The following FSTL4 variants were observed in gnomAD, a reference collection of about 807,000 sequenced individuals.
FSTL4 encodes follistatin like 4, also known as follistatin-related protein 4.
In FSTL4, 28 loss-of-function variants were observed where a neutral mutation model predicts 78.2. That is an observed-to-expected ratio of 0.36 (90% confidence interval 0.27 to 0.49). The LOEUF is 0.49. Ranked by LOEUF, FSTL4 falls within the 20% of genes least tolerant of loss-of-function variation. The pLI is 0.98. For synonymous variants in FSTL4, 422 were observed against 440.5 expected, an observed-to-expected ratio of 0.96 and a Z score of 0.53; for missense variants, 922 against 1,084.9, an observed-to-expected ratio of 0.85 and a Z score of 2.11.
At chr5:133,344,016 T>C (rs1176177689) in intron 4 of FSTL4, among the ~76,000 whole-genome samples, 1 of 152,208 alleles carries the variant, frequency 6.6e-6, no homozygotes, top group Non-Finnish European at 1.5e-5. Context: ...TGAGAAAATA[T>C]ATTGAGCAAT....
chr5:133,253,825 C>A (rs1752320356), intron 6 of FSTL4, among the ~76,000 whole-genome samples: 1 of 152,204 alleles, frequency 6.6e-6, no homozygotes, highest in Non-Finnish European at 1.5e-5. Context: ...GAAGAGTCCC[C>A]AGTCTTGACC....
At chr5:133,542,698 A>C (rs1326059685) in intron 3 of FSTL4, among the ~76,000 whole-genome samples, 2 of 152,154 alleles carry the variant, frequency 1.3e-5, no homozygotes, top group Non-Finnish European at 2.9e-5. Context: ...TTTTTCAGGA[A>C]ATTTGACCAG....
chr5:133,612,924 G>A (rs1761135457), upstream of FSTL4, among the ~76,000 whole-genome samples: 1 of 152,214 alleles, frequency 6.6e-6, no homozygotes, highest in Admixed American at 6.5e-5. The surrounding 1 kb of genome is among the most constrained non-coding windows in gnomAD (Gnocchi z 6.2). Flanking sequence ...CACCACAGCA[G>A]GAGAGCTGTC....
the FSTL4 span, among the ~76,000 whole-genome samples, chr5:133,651,931 T>G: frequency 2.0e-5 from 3 of 152,148 alleles, no homozygotes; most frequent in Non-Finnish European, 4.4e-5. Context: ...CTGTTTTCTT[T>G]AATAGATATA....
At chr5:133,441,958 GT>G (rs1757167199) in intron 3 of FSTL4, among the ~76,000 whole-genome samples, 1 of 152,242 alleles carries the variant, frequency 6.6e-6, no homozygotes, top group Non-Finnish European at 1.5e-5. Flanking sequence ...CAACCAGTGA[GT>G]TGCTGGCATT....
In FSTL4 at chr5:133,221,903, T is replaced by TG. The variant is rs1561626727; in HGVS notation, c.1340-1038_1340-1037insC. Among the ~76,000 whole-genome samples, 30 of 106,432 alleles carry TG rather than the reference T, an allele frequency of 2.8e-4. 1 individual carries two copies. Among genetic ancestry groups the TG allele is most frequent in the East Asian group, 1.3e-3 (6 of 4,584 alleles). The allele number at this position is 106,432 out of a possible 152,430, so 69.8% of individuals were successfully genotyped here. A position where few individuals can be genotyped will look rare whatever the true frequency, so the allele number is the denominator to read the frequency against. On this transcript the variant is annotated intron_variant, in intron 11 of 15. Transcript: ENST00000265342. Reference sequence around the variant, plus strand: ...AATCTCTTTTCTAGTTTTTTTTTTTTTTTTTTTTTTTTTTTTTTTTTTTTA... The same window carrying TG: ...AATCTCTTTTCTAGTTTTTTTTTTTTGTTTTTTTTTTTTTTTTTTTTTTTTA...
chr5:133,715,859 C>T, the FSTL4 span, among the ~76,000 whole-genome samples: 3 of 152,230 alleles, frequency 2.0e-5, no homozygotes, highest in Non-Finnish European at 4.4e-5. Flanking sequence ...GCTTTCCCCA[C>T]TCAGCTCCAC....
chr5:133,796,235 C>G, the FSTL4 span, among the ~76,000 whole-genome samples: 1 of 152,220 alleles, frequency 6.6e-6, no homozygotes, highest in African/African-American at 2.4e-5. Context: ...CTGCTCAAAT[C>G]CCTTATGGGA....
chr5:133,290,523 C>T (rs1200541712), intron 6 of FSTL4, among the ~76,000 whole-genome samples: 1 of 152,204 alleles, frequency 6.6e-6, no homozygotes, highest in Non-Finnish European at 1.5e-5. Context: ...CCCACACGGG[C>T]GACTGGGGCC....
intron 3 of FSTL4, among the ~76,000 whole-genome samples, chr5:133,501,076 G>A (rs189040376): frequency 6.6e-6 from 1 of 152,272 alleles, no homozygotes; most frequent in Non-Finnish European, 1.5e-5. Flanking sequence ...ATCACTCATG[G>A]TGGGAAATGT....
the FSTL4 span, among the ~76,000 whole-genome samples, chr5:133,767,643 A>G: frequency 2.0e-5 from 3 of 152,160 alleles, no homozygotes; most frequent in African/African-American, 4.8e-5. Context: ...AGCTTCATGG[A>G]AAGATTCTGT....
intron 4 of FSTL4, among the ~76,000 whole-genome samples, chr5:133,395,432 C>A (rs1465837510): frequency 6.6e-6 from 1 of 152,202 alleles, no homozygotes; most frequent in African/African-American, 2.4e-5. Context: ...ACTCTGAACA[C>A]GTCCAAACAT....
intron 4 of FSTL4, among the ~76,000 whole-genome samples, chr5:133,390,104 A>G (rs1416767152): frequency 6.6e-6 from 1 of 152,250 alleles, no homozygotes; most frequent in Non-Finnish European, 1.5e-5. Context: ...AAGTTCCCTA[A>G]GGAAGACAAG....
chr5:133,208,594 G>C (rs546337823), intron 14 of FSTL4, among the ~76,000 whole-genome samples: 5 of 152,180 alleles, frequency 3.3e-5, no homozygotes, highest in African/African-American at 1.2e-4. Flanking sequence ...CCTCTTCATG[G>C]GTTTGCTCTG....
the FSTL4 span, among the ~76,000 whole-genome samples, chr5:133,653,500 G>A: frequency 7.2e-5 from 11 of 152,160 alleles, no homozygotes; most frequent in East Asian, 1.9e-4. Context: ...CCCCTGCCTA[G>A]CATCTTCTTC....
the FSTL4 span, among the ~76,000 whole-genome samples, chr5:133,823,195 T>A: frequency 9.2e-5 from 14 of 152,154 alleles, no homozygotes; most frequent in Admixed American, 3.9e-4. Flanking sequence ...CACCACCAGG[T>A]GCTCCTGGGC....
At chr5:133,352,391 C>G (rs1238793697) in intron 4 of FSTL4, among the ~76,000 whole-genome samples, 1 of 149,694 alleles carries the variant, frequency 6.7e-6, no homozygotes, top group African/African-American at 2.5e-5. Context: ...TATATACACA[C>G]ACATATATAT....
intron 4 of FSTL4, among the ~76,000 whole-genome samples, chr5:133,339,440 G>A (rs1348583549): frequency 6.6e-6 from 1 of 151,942 alleles, no homozygotes; most frequent in Non-Finnish European, 1.5e-5. Context: ...CTCCTGGCTG[G>A]GTTCAGTCTC....
At chr5:133,530,964 G>T (rs1759238543) in intron 3 of FSTL4, among the ~76,000 whole-genome samples, 1 of 152,186 alleles carries the variant, frequency 6.6e-6, no homozygotes. Context: ...GCGCAAGCCT[G>T]GACCACAGTA....
Sources: gnomAD v4.1 joint callset for allele counts (sites outside exome capture counted in the v4.1 genomes callset) on GRCh38, gnomAD v4.1.1 for gene constraint, Gnocchi (gnomAD v3.1) non-coding constraint, MANE v1.5 for transcripts, NCBI Gene and HGNC (gene_info 2026-07-23, HGNC 2026-07-21) for gene names.